Variants in VAMP7 observed in about 807,000 individuals in gnomAD.
The protein encoded by VAMP7 is vesicle-associated membrane protein 7.
VAMP7 carries 14 observed loss-of-function variants against 29.6 expected under a neutral mutation model. The ratio of observed to expected loss-of-function variants is 0.47; its 90% CI spans 0.31 to 0.74. VAMP7 has a LOEUF of 0.74. Ranked by LOEUF, VAMP7 falls within the 30% of genes least tolerant of loss-of-function variation. VAMP7 has a pLI of 0.05. For missense variants in VAMP7, 223 were observed against 262.4 expected, an observed-to-expected ratio of 0.85 and a Z score of 1.04; for synonymous variants, 95 against 88.1, an observed-to-expected ratio of 1.08 and a Z score of -0.44.
chrX:155,894,292 G>A (rs1478679102), intron 2 of VAMP7, among the ~76,000 whole-genome samples: 24 of 129,738 alleles, frequency 1.8e-4, no homozygotes, highest in Non-Finnish European at 2.4e-4. Context: ...TCTAGCCAAT[G>A]TGTCCTTTGT....
intron 7 of VAMP7, 65 bp from the exon 8 acceptor site, chrX:155,941,817 TA>T: frequency 6.6e-7 from 1 of 1,507,104 alleles, no homozygotes; most frequent in Non-Finnish European, 9.0e-7. Flanking sequence ...TCTACTTTCC[TA>T]TATATATTAT....
At chrX:155,882,189 G>A (rs1303176757) in intron 1 of VAMP7, among the ~76,000 whole-genome samples, 1 of 152,142 alleles carries the variant, frequency 6.6e-6, no homozygotes, top group Non-Finnish European at 1.5e-5. Context: ...GTGGCTGAGA[G>A]CAGATCCATT....
intron 5 of VAMP7, among the ~76,000 whole-genome samples, chrX:155,910,531 C>T (rs1270665796): frequency 6.6e-6 from 1 of 151,158 alleles, no homozygotes; most frequent in African/African-American, 2.4e-5. Flanking sequence ...GAAATCTCCA[C>T]ACTGGTTTCC....
At chrX:155,936,295 A>G (rs1450552219) in intron 6 of VAMP7, among the ~76,000 whole-genome samples, 1 of 152,180 alleles carries the variant, frequency 6.6e-6, no homozygotes, top group Admixed American at 6.5e-5. Flanking sequence ...CTGCCCCCAG[A>G]GGTGGAGTCT....
At chrX:155,883,219 A>G (rs2065824822) in intron 1 of VAMP7, among the ~76,000 whole-genome samples, 1 of 152,218 alleles carries the variant, frequency 6.6e-6, no homozygotes, top group African/African-American at 2.4e-5. Flanking sequence ...CATGATTTAT[A>G]CAAGGCCTTC....
intron 2 of VAMP7, among the ~76,000 whole-genome samples, chrX:155,892,741 G>GTATTATTATTAT (rs34905684): frequency 6.7e-4 from 98 of 145,940 alleles, no homozygotes; most frequent in Middle Eastern, 3.5e-3. Flanking sequence ...TTTTCACACT[G>GTATTATTATTAT]TATTATTATT....
Position 155,941,290 on chromosome X carries a change from G to A in VAMP7, c.595-593G>A, listed in dbSNP as rs776924693. 2.0e-5 allele frequency among the ~76,000 whole-genome samples: 3 copies of A among 152,126 alleles called. No individual in the cohort carries two copies. In the South Asian group the frequency reaches 6.2e-4, roughly 32 times the overall value. On this transcript the variant is annotated intron_variant, in intron 7 of 7. Transcript: ENST00000286448. Reference sequence around the variant, plus strand: ...TAAAATTATAATCTAGAATTAAAAAGCAAACACATCTGTAATAGCACCAGT... The same window carrying A: ...TAAAATTATAATCTAGAATTAAAAAACAAACACATCTGTAATAGCACCAGT...
chrX:155,923,432 T>A (rs2066423044), intron 6 of VAMP7, among the ~76,000 whole-genome samples: 1 of 151,920 alleles, frequency 6.6e-6, no homozygotes. Context: ...CTTCCTTTTT[T>A]TTTTTGAAAG....
At chrX:155,885,538 C>T (rs1467310401) in intron 1 of VAMP7, among the ~76,000 whole-genome samples, 2 of 152,050 alleles carry the variant, frequency 1.3e-5, no homozygotes, top group Non-Finnish European at 2.9e-5. Context: ...ACCCGTGGTA[C>T]CTGTGAATGG....
Position 155,907,177 on chromosome X carries a change from A to G in VAMP7, c.433+6590A>G, listed in dbSNP as rs146388385. Among the ~76,000 whole-genome samples, 16 of 152,142 alleles carry G rather than the reference A, an allele frequency of 1.1e-4. No homozygotes were observed. The East Asian group carries it at 2.7e-3, about 26-fold the overall frequency. On this transcript the variant is annotated intron_variant, in intron 5 of 7. Transcript: ENST00000286448. Reference sequence around the variant, plus strand: ...TCATGGTGTATAGTCCTTTTTGCATATTATTGGATTCATCCTGCCAGTAGT... The same window carrying G: ...TCATGGTGTATAGTCCTTTTTGCATGTTATTGGATTCATCCTGCCAGTAGT...
rs372687315 is a variant in VAMP7, at chrX:155,942,010, A to G, written c.*59A>G. 1.1e-5 allele frequency: 18 copies of G among 1,613,206 alleles called. No homozygotes were observed. In the Admixed American group the frequency reaches 1.7e-4, roughly 15 times the overall value. On this transcript the variant is annotated 3_prime_UTR_variant, in exon 8 of 8. Coordinates refer to ENST00000286448, the MANE Select transcript of VAMP7 (RefSeq NM_005638.6). ...GAGAACAAGGAGTTAAAAGCAATCC[A>G]TGTGACTCAAGCCTTTCACATACTG...
At chrX:155,895,238 G>A (rs1467739213) in intron 2 of VAMP7, among the ~76,000 whole-genome samples, 4 of 152,144 alleles carry the variant, frequency 2.6e-5, no homozygotes, top group African/African-American at 9.6e-5. Context: ...TAGAAAAGAT[G>A]TTTGCTTTAA....
chrX:155,892,805 T>TGCAATG (rs1203643595), intron 2 of VAMP7, among the ~76,000 whole-genome samples: 65 of 151,970 alleles, frequency 4.3e-4, no homozygotes, highest in Middle Eastern at 6.8e-3. Flanking sequence ...CAGGCTGGAG[T>TGCAATG]GCAATGGCGC....
chrX:155,909,252 T>G (rs1048013501), intron 5 of VAMP7, among the ~76,000 whole-genome samples: 1 of 152,210 alleles, frequency 6.6e-6, no homozygotes, highest in African/African-American at 2.4e-5. Context: ...CTAAGTTACC[T>G]AATTTATTTA....
chrX:155,941,894 T>C lies in VAMP7; in HGVS notation c.606T>C (p.Tyr202=), dbSNP rs1225256800. 6.2e-7 allele frequency: 1 copy of C among 1,613,716 alleles called. No individual in the cohort carries two copies. Among genetic ancestry groups the C allele is most frequent in the African/African-American group, 1.3e-5 (1 of 74,928 alleles). The change falls in exon 8 of 8, where the codon TAT becomes TAC. Residue 202 remains tyrosine, a synonymous_variant. Coordinates refer to ENST00000286448, the MANE Select transcript of VAMP7 (RefSeq NM_005638.6). ...CCTCGTCCCTCCAGGTGTTCATCTA[T>C]ATCATTGTTTCACCTCTCTGTGGTG... ...IIIIVSIVFI[Y]IIVSPLCGGF...
At chrX:155,887,824 C>G (rs1444630794) in intron 1 of VAMP7, among the ~76,000 whole-genome samples, 5 of 151,292 alleles carry the variant, frequency 3.3e-5, no homozygotes, top group Non-Finnish European at 7.4e-5. Flanking sequence ...CCAGATACTC[C>G]AGAGGCTGAG....
chrX:155,902,902 C>T (rs1371866931), intron 5 of VAMP7, among the ~76,000 whole-genome samples: 11 of 151,234 alleles, frequency 7.3e-5, no homozygotes, highest in African/African-American at 2.7e-4. Flanking sequence ...TTAGGGAGGA[C>T]TCCCTCTTTT....
Position 155,914,754 on chromosome X carries a change from T to C in VAMP7, c.434-5059T>C, listed in dbSNP as rs190915346. ...ATAAGCTTTTTGATGTGCTGATGGGTTCGATTTGCCAGTATTTTATTGAGG... is the reference window on the plus strand; with the variant it reads ...ATAAGCTTTTTGATGTGCTGATGGGCTCGATTTGCCAGTATTTTATTGAGG... On this transcript the variant is annotated intron_variant, in intron 5 of 7. Coordinates refer to ENST00000286448, the MANE Select transcript of VAMP7 (RefSeq NM_005638.6). Among the ~76,000 whole-genome samples the C allele has an allele frequency of 2.6e-4, 40 of 152,202 alleles. No homozygotes were observed. In the East Asian group the frequency reaches 6.2e-3, roughly 24 times the overall value.
intron 5 of VAMP7, 139 bp from the exon 6 acceptor site, chrX:155,919,674 G>A (rs1306088497): frequency 1.4e-6 from 1 of 710,222 alleles, no homozygotes; most frequent in African/African-American, 1.8e-5. Flanking sequence ...GTTTTCGAGT[G>A]GTGTCACCAG....
Sources: allele counts gnomAD v4.1 joint callset (sites outside exome capture counted in the v4.1 genomes callset), GRCh38; gene constraint gnomAD v4.1.1; transcripts MANE v1.5; gene names NCBI Gene and HGNC (gene_info 2026-07-23, HGNC 2026-07-21).